TRAPPC8: variants seen among roughly 807,000 people sequenced by gnomAD.
TRAPPC8 encodes general sporulation gene 1 homolog.
Under a neutral mutation model 174.3 loss-of-function variants are expected in TRAPPC8, and 54 were observed. That is an observed-to-expected ratio of 0.31 (90% CI 0.25 to 0.39). TRAPPC8 has a LOEUF of 0.39. Among genes scored for constraint, TRAPPC8 ranks in the 10% least tolerant of loss-of-function variants. TRAPPC8 has a pLI of 1.00. For synonymous variants in TRAPPC8, 630 were observed against 579.9 expected (o/e 1.09, Z -1.24); for missense variants, 1,531 against 1,699.1 (o/e 0.90, Z 1.74).
intron 20 of TRAPPC8, 30 bp downstream of exon 20, chr18:31,857,510 G>A: frequency 2.0e-6 from 3 of 1,517,888 alleles, no homozygotes; most frequent in South Asian, 2.6e-5. Context: ...GAACATAGAT[G>A]TTAAATTTTA....
chr18:31,885,295 A>G (rs187892355), intron 12 of TRAPPC8, among the ~76,000 whole-genome samples: 89 of 152,342 alleles, frequency 5.8e-4, no homozygotes, highest in African/African-American at 2.0e-3. Context: ...GAATCTCATC[A>G]TGAAAATAGC....
At position 31,852,648 on chromosome 18, in the gene TRAPPC8, C is replaced by G. The variant is rs779467795; in HGVS notation, c.3449G>C (p.Ser1150Thr). The G allele has an allele frequency of 1.2e-6, 2 of 1,613,888 alleles. No individual in the cohort carries two copies. The highest frequency in any genetic ancestry group is 1.7e-5 in the Admixed American group (1 of 60,010). Residue 1150 changes from serine (S) to threonine (T), a missense_variant, in exon 23 of 29, where the codon AGT becomes ACT. Physicochemically the swap from Ser to Thr is moderately conservative, Grantham distance 58. Transcript: ENST00000283351. ...AAAGCAAAACTTTCCCTTCTCCCTA[C>G]TGGCAAGTTTGGTATCTAGGAAGAA... The part of the protein sequence containing the change: ...LSENKDTKLA[S>T]REKGKFCFKA...
chr18:31,854,457 ACT>A (rs1349405101), intron 21 of TRAPPC8, among the ~76,000 whole-genome samples: 4 of 149,966 alleles, frequency 2.7e-5, no homozygotes, highest in African/African-American at 7.6e-5. Flanking sequence ...AAATATTCTC[ACT>A]CTTACTATAA....
rs763730215 is a variant in TRAPPC8 at position 31,832,184 on chromosome 18, AAAAT to A, written c.3984-15_3984-12del. ...GGTACTAAACAAAGGCTATGGAAGAAAAATAAACAAAAAAGTTATATATTTTTTT... is the reference window on the plus strand; with the variant it reads ...GGTACTAAACAAAGGCTATGGAAGAAAAACAAAAAAGTTATATATTTTTTT... On this transcript the variant is annotated splice_polypyrimidine_tract_variant and intron_variant, in intron 27 of 28. Coordinates refer to ENST00000283351, the MANE Select transcript of TRAPPC8 (RefSeq NM_014939.5). 4 of 1,452,874 alleles carry A rather than the reference AAAAT, an allele frequency of 2.8e-6. No homozygotes were observed. In the African/African-American group the frequency reaches 5.9e-5, roughly 22 times the overall value. 90.0% of individuals were successfully genotyped at this position (1,452,874 alleles called of 1,614,324 possible).
intron 5 of TRAPPC8, among the ~76,000 whole-genome samples, chr18:31,910,737 A>C (rs994862177): frequency 6.6e-5 from 10 of 152,332 alleles, no homozygotes; most frequent in African/African-American, 2.4e-4. Context: ...TAAAACCTCT[A>C]AACTATTCTC....
chr18:31,905,919 A>G (rs904979481), intron 9 of TRAPPC8, among the ~76,000 whole-genome samples: 1 of 152,190 alleles, frequency 6.6e-6, no homozygotes, highest in Non-Finnish European at 1.5e-5. Flanking sequence ...CCTAGGTTAT[A>G]AGGTATTAAT....
At chr18:31,929,763 C>T (rs1000703902) in intron 2 of TRAPPC8, among the ~76,000 whole-genome samples, 1 of 152,216 alleles carries the variant, frequency 6.6e-6, no homozygotes, top group Non-Finnish European at 1.5e-5. Context: ...CTTGGACACT[C>T]TGGCATTTGA....
rs1436196002 is a variant in TRAPPC8, at chr18:31,916,419, GCTT to G, written c.467_469del (p.Glu156del). 6.2e-7 allele frequency: 1 copy of G among 1,612,226 alleles called. No homozygotes were observed. The highest frequency in any genetic ancestry group is 1.3e-5 in the African/African-American group (1 of 74,938). On this transcript the variant is annotated inframe_deletion, in exon 4 of 29. Coordinates refer to ENST00000283351, the MANE Select transcript of TRAPPC8 (RefSeq NM_014939.5). The stretch of plus-strand genomic sequence containing the variant: ...CTTTGAAAACTGTTCCACAGGTTCA[GCTT>G]CACTAGATGACGCTACCAACATACC...
At chr18:31,933,962 CG>C (rs1198571757) in intron 1 of TRAPPC8, among the ~76,000 whole-genome samples, 4 of 151,888 alleles carry the variant, frequency 2.6e-5, no homozygotes, top group Non-Finnish European at 5.9e-5. Flanking sequence ...CTGAAGCGGG[CG>C]GAACACTTGA....
chr18:31,870,591 A>C, intron 15 of TRAPPC8, 89 bp from the exon 16 acceptor site: 1 of 1,399,642 alleles, frequency 7.1e-7, no homozygotes, highest in South Asian at 1.4e-5. Context: ...TTGCTTTCAT[A>C]GCTCTGCATT....
At position 31,864,677 on chromosome 18, in the gene TRAPPC8, G is replaced by A; in HGVS notation, c.2695C>T (p.Pro899Ser). ...ATTATGGGATCTAAACGTCGATCAG[G>A]GCCATATTTAACAGATGTTTTCTCT... Reference protein sequence around the residue: ...KEEKTSVKYGPDRRLDPIITE... With the variant: ...KEEKTSVKYGSDRRLDPIITE... The change falls in exon 19 of 29, where the codon CCT becomes TCT. Residue 899 changes from proline to serine, a missense_variant. Pro to Ser is a moderately conservative substitution (Grantham distance 74, BLOSUM62 -1). Coordinates refer to ENST00000283351, the MANE Select transcript of TRAPPC8 (RefSeq NM_014939.5). 1 of 1,612,864 alleles carries A rather than the reference G, an allele frequency of 6.2e-7. No individual in the cohort carries two copies. Among genetic ancestry groups the A allele is most frequent in the Non-Finnish European group, 8.5e-7 (1 of 1,179,394 alleles).
chr18:31,915,108 G>C (rs2037074525), intron 4 of TRAPPC8, among the ~76,000 whole-genome samples: 1 of 152,182 alleles, frequency 6.6e-6, no homozygotes, highest in Non-Finnish European at 1.5e-5. Flanking sequence ...GTTGTGAAAT[G>C]ACAAGTGTTT....
intron 26 of TRAPPC8, among the ~76,000 whole-genome samples, chr18:31,840,000 A>T (rs948861481): frequency 3.3e-5 from 5 of 152,216 alleles, no homozygotes; most frequent in African/African-American, 1.2e-4. Context: ...ATGCACGTAA[A>T]AAGTATTAAC....
rs182686180 is a variant in TRAPPC8 at position 31,912,954 on chromosome 18, C to A, written c.771+415G>T. On this transcript the variant is annotated intron_variant, in intron 5 of 28. Transcript: ENST00000283351. ...ACTAGCCTGGCCAATATGGTGAAAC[C>A]TCACCTCTACTAAAAATACAAAAAT... Among the ~76,000 whole-genome samples, 4 of 152,144 alleles carry A rather than the reference C, an allele frequency of 2.6e-5. No homozygotes were observed. The East Asian group carries it at 7.7e-4, about 29-fold the overall frequency.
chr18:31,939,924 C>G (rs974604419), intron 1 of TRAPPC8, among the ~76,000 whole-genome samples: 2 of 152,128 alleles, frequency 1.3e-5, no homozygotes, highest in Non-Finnish European at 2.9e-5. Flanking sequence ...TCCCCAGTCT[C>G]CTGAAGGAAA....
chr18:31,876,489 C>CAAAAAAAAAAAAAAAAAAAAAAAA lies in TRAPPC8; in HGVS notation c.1729-1786_1729-1785insTTTTTTTTTTTTTTTTTTTTTTTT, dbSNP rs71175801. 5.3e-4 allele frequency among the ~76,000 whole-genome samples: 26 copies of CAAAAAAAAAAAAAAAAAAAAAAAA among 48,716 alleles called. 3 individuals are homozygous for CAAAAAAAAAAAAAAAAAAAAAAAA. Among genetic ancestry groups the CAAAAAAAAAAAAAAAAAAAAAAAA allele is most frequent in the South Asian group, 1.5e-3 (2 of 1,302 alleles). 32.0% of individuals were successfully genotyped at this position (48,716 alleles called of 152,430 possible). A position where few individuals can be genotyped will look rare whatever the true frequency, so the allele number is the denominator to read the frequency against. On this transcript the variant is annotated intron_variant, in intron 12 of 28. Transcript: ENST00000283351. Reference sequence around the variant, plus strand: ...TGGGCTACACTGCGAGACTCCATCTCAAAAAAAAAAAAAAAAAAAAAAAGA... The same window carrying CAAAAAAAAAAAAAAAAAAAAAAAA: ...TGGGCTACACTGCGAGACTCCATCTCAAAAAAAAAAAAAAAAAAAAAAAAAAAAAAAAAAAAAAAAAAAAAAAGA...
At chr18:31,880,491 C>T (rs913246877) in intron 12 of TRAPPC8, among the ~76,000 whole-genome samples, 7 of 151,926 alleles carry the variant, frequency 4.6e-5, no homozygotes, top group Non-Finnish European at 1.0e-4. Context: ...CTGTAAGAAA[C>T]ATACCTAAAA....
intron 2 of TRAPPC8, among the ~76,000 whole-genome samples, chr18:31,924,703 A>G (rs1383584507): frequency 7.8e-5 from 11 of 140,508 alleles, no homozygotes; most frequent in Admixed American, 1.6e-4. Flanking sequence ...GCACCACTGC[A>G]CTCCAGCCTG....
chr18:31,870,970 T>G lies in TRAPPC8; in HGVS notation c.2213A>C (p.Asn738Thr), dbSNP rs201458679. Residue 738 changes from asparagine to threonine, a missense_variant, in exon 15 of 29, where the codon AAC (asparagine) becomes ACC (threonine). By Grantham distance (65) the Asn-to-Thr change is moderately conservative (BLOSUM62 0). Coordinates refer to ENST00000283351, the MANE Select transcript of TRAPPC8 (RefSeq NM_014939.5). Reference protein sequence around the residue: ...SNFHPTQYCLNSYSDNSRFPL... With the variant: ...SNFHPTQYCLTSYSDNSRFPL... ...AAATCTTGAATTATCTGAGTAACTG[T>G]TCAAACAGTATTGTGTGGGATGAAA... The G allele has an allele frequency of 5.5e-5, 89 of 1,604,862 alleles. No homozygotes were observed. The highest frequency in any genetic ancestry group is 1.2e-4 in the Admixed American group (7 of 58,826).
Sources: allele counts gnomAD v4.1 joint callset (sites outside exome capture counted in the v4.1 genomes callset), GRCh38; gene constraint gnomAD v4.1.1; transcripts MANE v1.5; gene names NCBI Gene and HGNC (gene_info 2026-07-23, HGNC 2026-07-21).